SIDT1: variants seen among roughly 807,000 people sequenced by gnomAD.
SIDT1 encodes the protein SID1 transmembrane family, member 1.
Under a neutral mutation model 107.5 loss-of-function variants are expected in SIDT1, and 101 were observed. The observed-to-expected ratio is 0.94, with a 90% confidence interval of 0.80 to 1.11. SIDT1 has a LOEUF of 1.11. SIDT1 is among the 50% of genes least tolerant of loss of function. The pLI, the probability that SIDT1 is intolerant of heterozygous loss-of-function variation, is 0.00. For synonymous variants in SIDT1, 395 were observed against 398.2 expected, an observed-to-expected ratio of 0.99 and a Z score of 0.10; for missense variants, 1,076 against 1,058.2, an observed-to-expected ratio of 1.02 and a Z score of -0.23.
At chr3:113,552,840 G>A (rs1437173937) in intron 1 of SIDT1, among the ~76,000 whole-genome samples, 1 of 152,184 alleles carries the variant, frequency 6.6e-6, no homozygotes, top group Non-Finnish European at 1.5e-5. Flanking sequence ...ACATCCATGG[G>A]CAGCCTTGCT....
chr3:113,594,968 C>T (rs529695394), intron 10 of SIDT1: 3 of 154,416 alleles, frequency 1.9e-5, no homozygotes, highest in Non-Finnish European at 4.4e-5. Context: ...CTGGCAGCAC[C>T]AGAGGGAAGG....
intron 1 of SIDT1, among the ~76,000 whole-genome samples, chr3:113,563,941 CT>C (rs572676952): frequency 2.4e-4 from 36 of 147,270 alleles, no homozygotes; most frequent in Admixed American, 8.8e-4. Context: ...ACTTCTTTTT[CT>C]TTTTTTTTTG....
At chr3:113,562,198 G>C (rs1193809078) in intron 1 of SIDT1, among the ~76,000 whole-genome samples, 5 of 152,082 alleles carry the variant, frequency 3.3e-5, no homozygotes, top group Admixed American at 3.3e-4. Context: ...AAAAAAAAAA[G>C]ATAGTGACAA....
Position 113,592,987 on chromosome 3 carries a change from G to A in SIDT1, c.1002-18G>A. 6.2e-7 allele frequency: 1 copy of A among 1,601,658 alleles called. No individual in the cohort carries two copies. The highest frequency in any genetic ancestry group is 8.6e-7 in the Non-Finnish European group (1 of 1,168,620). ...GGTTTTCACTGTCTTAGGAGCATGT[G>A]TATGTGCTTGTTTGCAGGTTTCAGA... On this transcript the variant is annotated intron_variant, in intron 9 of 24. Transcript: ENST00000264852.
chr3:113,608,067 C>T, intron 15 of SIDT1, 27 bp from the exon 16 acceptor site: 1 of 1,548,854 alleles, frequency 6.5e-7, no homozygotes, highest in Non-Finnish European at 8.7e-7. Flanking sequence ...TCTTGACTCT[C>T]TCATGGTCTC....
intron 1 of SIDT1, among the ~76,000 whole-genome samples, chr3:113,547,248 A>C (rs998231283): frequency 6.6e-6 from 1 of 152,168 alleles, no homozygotes; most frequent in Non-Finnish European, 1.5e-5. Flanking sequence ...TTTACATGTC[A>C]ATTAAAAATA....
At chr3:113,614,481 G>A (rs1019503500) in intron 19 of SIDT1, among the ~76,000 whole-genome samples, 3 of 152,158 alleles carry the variant, frequency 2.0e-5, no homozygotes, top group Non-Finnish European at 4.4e-5. Context: ...CTATTTCGTC[G>A]TTGACAATGA....
intron 19 of SIDT1, among the ~76,000 whole-genome samples, chr3:113,614,532 T>C (rs1576964869): frequency 6.6e-6 from 1 of 152,338 alleles, no homozygotes; most frequent in East Asian, 1.9e-4. Context: ...GTTGGATTCA[T>C]GGACAGTGTT....
intron 1 of SIDT1, among the ~76,000 whole-genome samples, chr3:113,550,205 A>C (rs962978905): frequency 1.3e-5 from 2 of 151,888 alleles, no homozygotes; most frequent in Non-Finnish European, 2.9e-5. Context: ...TGCTTCTCCT[A>C]TCCTTTTTGT....
chr3:113,604,802 C>A, intron 13 of SIDT1, 108 bp from the exon 14 acceptor site: 3 of 1,300,024 alleles, frequency 2.3e-6, no homozygotes, highest in Non-Finnish European at 2.2e-6. Context: ...GTTACTTTTG[C>A]AAGTTAATTA....
Position 113,611,134 on chromosome 3 carries a change from T to A in SIDT1, c.1847T>A (p.Val616Asp), listed in dbSNP as rs756547217. ...ASFAVVIMVT[V>D]LGVVFGKNDV... Reference sequence around the variant, plus strand: ...TTTGCTGTGGTCATCATGGTCACCGTCCTTGGAGTGGTGCGTCCCCCACCT... The same window carrying A: ...TTTGCTGTGGTCATCATGGTCACCGACCTTGGAGTGGTGCGTCCCCCACCT... Residue 616 changes from valine to aspartate, a missense_variant, in exon 18 of 25, where the codon GTC becomes GAC. Physicochemically the swap from Val to Asp is radical, Grantham distance 152. Coordinates refer to ENST00000264852, the MANE Select transcript of SIDT1 (RefSeq NM_017699.3). 5 of 1,613,794 alleles carry A rather than the reference T, an allele frequency of 3.1e-6. No homozygotes were observed. In the Middle Eastern group the frequency reaches 6.6e-4, roughly 213 times the overall value.
intron 1 of SIDT1, among the ~76,000 whole-genome samples, chr3:113,553,821 G>A (rs565953925): frequency 6.6e-5 from 10 of 152,254 alleles, no homozygotes; most frequent in East Asian, 1.9e-4. Context: ...TGAGGTGGGC[G>A]GATCACCTGG....
At position 113,599,297 on chromosome 3, in the gene SIDT1, C is replaced by T. The variant is rs575123745; in HGVS notation, c.1046-2291C>T. 2.5e-4 allele frequency among the ~76,000 whole-genome samples: 38 copies of T among 152,328 alleles called. No homozygotes were observed. In the South Asian group the frequency reaches 6.8e-3, roughly 27 times the overall value. The stretch of plus-strand genomic sequence containing the variant: ...CAGAAAGAAGATGCAGGATGACCCA[C>T]GCCAGTGGGTAATCATTGGCAGGCA... On this transcript the variant is annotated intron_variant, in intron 10 of 24. Coordinates refer to ENST00000264852, the MANE Select transcript of SIDT1 (RefSeq NM_017699.3).
At chr3:113,614,966 G>C in intron 19 of SIDT1, 1 of 1,313,200 alleles carries the variant, frequency 7.6e-7, no homozygotes, top group Non-Finnish European at 1.1e-6. Flanking sequence ...CATCCATCTT[G>C]AGAAAAAATA....
chr3:113,576,850 A>G (rs907853176), intron 3 of SIDT1, 72 bp from the exon 4 acceptor site: 154 of 1,482,448 alleles, frequency 1.0e-4, no homozygotes, highest in African/African-American at 6.9e-5. Context: ...TTTTAAATAA[A>G]TAATTTTTGC....
At chr3:113,549,481 G>A (rs2107646303) in intron 1 of SIDT1, among the ~76,000 whole-genome samples, 1 of 152,190 alleles carries the variant, frequency 6.6e-6, no homozygotes, top group South Asian at 2.1e-4. Flanking sequence ...TCTGATTGTT[G>A]CTTTGCATTT....
chr3:113,625,926 G>T, intron 23 of SIDT1, 176 bp from the exon 24 acceptor site: 1 of 566,616 alleles, frequency 1.8e-6, no homozygotes, highest in Non-Finnish European at 3.1e-6. Context: ...TTTTGCTTTG[G>T]TTGCCTGTGC....
chr3:113,595,438 G>T (rs1015982960), intron 10 of SIDT1, among the ~76,000 whole-genome samples: 6 of 152,066 alleles, frequency 3.9e-5, no homozygotes, highest in African/African-American at 1.4e-4. Context: ...AAATTAGGTG[G>T]GCGTGGTGGT....
At chr3:113,606,080 G>A (rs1945311772) in intron 14 of SIDT1, among the ~76,000 whole-genome samples, 1 of 150,624 alleles carries the variant, frequency 6.6e-6, no homozygotes, top group Admixed American at 6.6e-5. Flanking sequence ...AAAGGAAAAT[G>A]TAAAATAAAA....
Sources: allele counts gnomAD v4.1 joint callset (sites outside exome capture counted in the v4.1 genomes callset), GRCh38; gene constraint gnomAD v4.1.1; transcripts MANE v1.5; gene names NCBI Gene and HGNC (gene_info 2026-07-23, HGNC 2026-07-21).